TASOR: variants seen among roughly 807,000 people sequenced by gnomAD.
TASOR encodes transcription activation suppressor.
TASOR carries 53 observed loss-of-function variants against 178.6 expected under a neutral mutation model. That is an observed-to-expected ratio of 0.30 (90% CI 0.24 to 0.37). The LOEUF (loss-of-function observed/expected upper bound fraction) is 0.37. Ranked by LOEUF, TASOR falls within the 10% of genes least tolerant of loss-of-function variation. TASOR has a pLI of 1.00. For synonymous variants in TASOR, 713 were observed against 696.2 expected, an observed-to-expected ratio of 1.02 and a Z score of -0.38; for missense variants, 1,815 against 1,971.4, an observed-to-expected ratio of 0.92 and a Z score of 1.50.
At chr3:56,660,709 C>T in intron 11 of TASOR, 22 bp downstream of exon 11, 1 of 1,560,242 alleles carries the variant, frequency 6.4e-7, no homozygotes, top group Admixed American at 1.7e-5. Flanking sequence ...GAATGAGAAA[C>T]ATTAAAAAAC....
chr3:56,623,589 C>T (rs1210232969), intron 23 of TASOR, 23 bp from the exon 24 acceptor site: 2 of 1,552,354 alleles, frequency 1.3e-6, no homozygotes, highest in Non-Finnish European at 1.7e-6. Flanking sequence ...AACAAAAAGT[C>T]CTCCTCTATT....
At chr3:56,677,788 A>C (rs1053081303) in intron 1 of TASOR, among the ~76,000 whole-genome samples, 7 of 152,180 alleles carry the variant, frequency 4.6e-5, no homozygotes, top group Admixed American at 3.3e-4. Context: ...CAAATTTCTT[A>C]ATTTTTTCTG....
At position 56,633,846 on chromosome 3, in the gene TASOR, G is replaced by A; in HGVS notation, c.2945C>T (p.Thr982Ile). The A allele has an allele frequency of 6.2e-7, 1 of 1,613,750 alleles. No homozygotes were observed. Among genetic ancestry groups the A allele is most frequent in the Middle Eastern group, 1.6e-4 (1 of 6,062 alleles). ...CTCAGTGGTGCCCTTTAGTGTGTCT[G>A]TAAATGGAGAGGATGGAAACTGGTA... is the stretch of plus-strand genomic sequence containing the variant. The part of the protein sequence containing the change: ...SDYQFPSSPF[T>I]DTLKGTTEDD... The change falls in exon 18 of 24, where the codon ACA becomes ATA. Residue 982 changes from threonine to isoleucine, a missense_variant. Coordinates refer to ENST00000683822, the MANE Select transcript of TASOR (RefSeq NM_001365635.2).
chr3:56,665,569 G>T (rs1474506413), intron 7 of TASOR, among the ~76,000 whole-genome samples: 1 of 151,992 alleles, frequency 6.6e-6, no homozygotes, highest in East Asian at 2.0e-4. Flanking sequence ...ATGTTGGCCA[G>T]GCTGTTCTTG....
At chr3:56,655,888 C>T (rs1037351931) in intron 11 of TASOR, among the ~76,000 whole-genome samples, 7 of 152,128 alleles carry the variant, frequency 4.6e-5, no homozygotes, top group African/African-American at 1.7e-4. Flanking sequence ...AATGTACTCA[C>T]CCTTCTTATG....
At position 56,624,966 on chromosome 3, in the gene TASOR, C is replaced by G. The variant is rs772828673; in HGVS notation, c.4180G>C (p.Val1394Leu). 1.9e-6 allele frequency: 3 copies of G among 1,614,148 alleles called. No individual in the cohort carries two copies. Among genetic ancestry groups the G allele is most frequent in the Non-Finnish European group, 2.5e-6 (3 of 1,179,990 alleles). Reference protein sequence around the residue: ...KALSLLTLLNVYQKKHLVEIL... With the variant: ...KALSLLTLLNLYQKKHLVEIL... ...TCAACCAGATGTTTCTTCTGATAGA[C>G]ATTCAGAAGCGTCAACAGACTTAGA... Residue 1394 changes from valine (V) to leucine (L), a missense_variant, in exon 22 of 24, where the codon GTC becomes CTC. Physicochemically the swap from Val to Leu is conservative, Grantham distance 32 (BLOSUM62 1). Around this residue, in one of 5 missense-constraint regions of TASOR, gnomAD observed 134 missense variants for 195.2 expected, o/e 0.69. Transcript: ENST00000683822.
At chr3:56,653,737 C>A (rs993769694) in intron 11 of TASOR, among the ~76,000 whole-genome samples, 1 of 151,946 alleles carries the variant, frequency 6.6e-6, no homozygotes, top group Non-Finnish European at 1.5e-5. Context: ...GATTACAATG[C>A]AATTAAATTA....
intron 11 of TASOR, among the ~76,000 whole-genome samples, chr3:56,659,080 T>C (rs1187240555): frequency 6.6e-6 from 1 of 152,202 alleles, no homozygotes; most frequent in Admixed American, 6.5e-5. Context: ...GGAAGTTTTA[T>C]GTCAATCTGA....
chr3:56,633,077 T>G lies in TASOR; in HGVS notation c.3714A>C (p.Glu1238Asp). The change falls in exon 18 of 24, where the codon GAA becomes GAC. Residue 1238 changes from glutamate to aspartate, a missense_variant. Transcript: ENST00000683822. ...QKNTVKFYIH[E>D]EEESVLCKEI... ...CTTTACAGAGCACACTCTCTTCTTC[T>G]TCATGAATATAAAATTTCACAGTAT... 1 of 1,606,006 alleles carries G rather than the reference T, an allele frequency of 6.2e-7. No individual in the cohort carries two copies. Among genetic ancestry groups the G allele is most frequent in the East Asian group, 2.2e-5 (1 of 44,848 alleles).
At chr3:56,643,277 G>A (rs2077165620) in intron 14 of TASOR, among the ~76,000 whole-genome samples, 1 of 150,178 alleles carries the variant, frequency 6.7e-6, no homozygotes, top group East Asian at 2.0e-4. Context: ...AAAAAAAAAA[G>A]TTCTATATAT....
chr3:56,627,257 T>C (rs1222328416), intron 20 of TASOR, 112 bp from the exon 21 acceptor site: 31 of 669,754 alleles, frequency 4.6e-5, no homozygotes, highest in Non-Finnish European at 7.2e-5. Flanking sequence ...TCCTATGTAC[T>C]ATTTTCATTT....
intron 1 of TASOR, among the ~76,000 whole-genome samples, chr3:56,681,837 C>T (rs2031819811): frequency 6.6e-6 from 1 of 152,038 alleles, no homozygotes; most frequent in South Asian, 2.1e-4. Flanking sequence ...TTTAAAAGTA[C>T]AAGTAATTAA....
chr3:56,680,980 T>A (rs912489763), intron 1 of TASOR, among the ~76,000 whole-genome samples: 3 of 151,664 alleles, frequency 2.0e-5, no homozygotes, highest in Non-Finnish European at 4.4e-5. Flanking sequence ...TTATCTAATT[T>A]TAAAAAAACA....
At chr3:56,643,207 G>T (rs566120016) in intron 14 of TASOR, among the ~76,000 whole-genome samples, 1 of 151,782 alleles carries the variant, frequency 6.6e-6, no homozygotes, top group Non-Finnish European at 1.5e-5. Context: ...AGGTTGCAAT[G>T]AGCCGAGATC....
At chr3:56,642,802 G>A (rs545459581) in intron 14 of TASOR, among the ~76,000 whole-genome samples, 2 of 151,914 alleles carry the variant, frequency 1.3e-5, no homozygotes, top group Non-Finnish European at 2.9e-5. Context: ...GTGAAACCCC[G>A]TCTCTACTAA....
intron 18 of TASOR, among the ~76,000 whole-genome samples, chr3:56,630,856 T>C (rs935169036): frequency 2.2e-5 from 3 of 136,962 alleles, no homozygotes; most frequent in African/African-American, 8.2e-5. Flanking sequence ...AATAAATAAA[T>C]AAATTTTTTA....
chr3:56,682,757 C>T lies in TASOR; in HGVS notation c.250G>A (p.Ala84Thr), dbSNP rs185376312. ...PQDSSEAGAA[A>T]LPRGPEEPER... ...GGCTCTTCGGGGCCTCTGGGCAGGGCGGCCGCGCCCGCCTCAGAGGAGTCC... is the reference window on the plus strand; with the variant it reads ...GGCTCTTCGGGGCCTCTGGGCAGGGTGGCCGCGCCCGCCTCAGAGGAGTCC... Residue 84 changes from alanine to threonine, a missense_variant, in exon 1 of 24, where the codon GCC (alanine) becomes ACC (threonine). By Grantham distance (58) the Ala-to-Thr change is moderately conservative. Coordinates refer to ENST00000683822, the MANE Select transcript of TASOR (RefSeq NM_001365635.2). 793 of 1,539,136 alleles carry T rather than the reference C, an allele frequency of 5.2e-4. 10 individuals carry two copies. In the East Asian group the frequency reaches 0.016, roughly 31 times the overall value.
chr3:56,666,401 G>GA lies in TASOR; in HGVS notation c.898-18dup. On this transcript the variant is annotated splice_polypyrimidine_tract_variant and intron_variant, in intron 6 of 23. Transcript: ENST00000683822. Reference sequence around the variant, plus strand: ...AAAATAATACTAAAAATAAGAAAATGAAAAATTAACTTCTTTAAAAAGGCA... The same window carrying GA: ...AAAATAATACTAAAAATAAGAAAATGAAAAAATTAACTTCTTTAAAAAGGCA... The GA allele has an allele frequency of 6.9e-7, 1 of 1,453,290 alleles. No homozygotes were observed. Among genetic ancestry groups the GA allele is most frequent in the South Asian group, 1.5e-5 (1 of 64,578 alleles). The allele number at this position is 1,453,290 out of a possible 1,614,324, so 90.0% of individuals were successfully genotyped here.
intron 1 of TASOR, among the ~76,000 whole-genome samples, chr3:56,681,087 T>TAA (rs11310490): frequency 0.038 from 4,461 of 117,854 alleles, 99 homozygotes; most frequent in Middle Eastern, 0.086. Flanking sequence ...TAACAAACAG[T>TAA]AAAAAAAAAA....
Sources: gnomAD v4.1 joint callset for allele counts (sites outside exome capture counted in the v4.1 genomes callset) on GRCh38, gnomAD v4.1.1 for gene constraint, gnomAD v4.1.1 regional missense constraint, MANE v1.5 for transcripts, NCBI Gene and HGNC (gene_info 2026-07-23, HGNC 2026-07-21) for gene names.